ARHGAP5: variants seen among roughly 807,000 people sequenced by gnomAD.
ARHGAP5 encodes the protein Rho GTPase activating protein 5.
ARHGAP5 carries 23 observed loss-of-function variants against 116.6 expected under a neutral mutation model. The ratio of observed to expected loss-of-function variants is 0.20; its 90% CI spans 0.14 to 0.28. The LOEUF is 0.28. Among genes scored for constraint, ARHGAP5 ranks in the 10% least tolerant of loss-of-function variants. The pLI is 1.00. For synonymous variants in ARHGAP5, 574 were observed against 602.0 expected (o/e 0.95, Z 0.68); for missense variants, 1,405 against 1,774.8 (o/e 0.79, Z 3.74).
At chr14:32,095,498 C>T (rs1251378823) in intron 2 of ARHGAP5, among the ~76,000 whole-genome samples, 22 of 151,108 alleles carry the variant, frequency 1.5e-4, no homozygotes, top group African/African-American at 3.4e-4. Flanking sequence ...CCGCAGCCTC[C>T]GCCTCCCGGG....
chr14:32,077,860 A>G (rs927439821), intron 1 of ARHGAP5, among the ~76,000 whole-genome samples: 2 of 151,866 alleles, frequency 1.3e-5, no homozygotes, highest in African/African-American at 4.8e-5. Flanking sequence ...CCACCTGGAA[A>G]GGGTACACGG....
At chr14:32,133,926 A>G (rs1284818500) in intron 3 of ARHGAP5, among the ~76,000 whole-genome samples, 1 of 152,122 alleles carries the variant, frequency 6.6e-6, no homozygotes, top group Non-Finnish European at 1.5e-5. Context: ...CATCCCAGGG[A>G]TGTCCAATCA....
Position 32,127,164 on chromosome 14 carries a change from A to AT in ARHGAP5, c.3865+9890dup, listed in dbSNP as rs879757408. ...AGGTGCGTGCCACCACTCCTGGCTG[A>AT]TTTTTTTTTTTTTAATTTTTTTAGT... On this transcript the variant is annotated intron_variant, in intron 3 of 6. Transcript: ENST00000345122. Among the ~76,000 whole-genome samples, 525 of 143,448 alleles carry AT rather than the reference A, an allele frequency of 3.7e-3. 3 individuals carry two copies. Among genetic ancestry groups the AT allele is most frequent in the South Asian group, 0.014 (62 of 4,468 alleles). 94.1% of individuals were successfully genotyped at this position (143,448 alleles called of 152,430 possible). A position where few individuals can be genotyped will look rare whatever the true frequency, so the allele number is the denominator to read the frequency against.
chr14:32,086,141 C>T (rs2041827483), intron 1 of ARHGAP5, among the ~76,000 whole-genome samples: 1 of 152,024 alleles, frequency 6.6e-6, no homozygotes, highest in Non-Finnish European at 1.5e-5. Context: ...AAAGAGTTAG[C>T]AGTGGGGATC....
chr14:32,089,253 G>A (rs2041860836), intron 1 of ARHGAP5, among the ~76,000 whole-genome samples: 1 of 151,910 alleles, frequency 6.6e-6, no homozygotes, highest in African/African-American at 2.4e-5. Context: ...AATTGAAATA[G>A]ATGTTTACTT....
At position 32,154,611 on chromosome 14, in the gene ARHGAP5, A is replaced by T. The variant is rs150623895; in HGVS notation, c.4182-10A>T. The T allele has an allele frequency of 1.3e-6, 2 of 1,576,948 alleles. No homozygotes were observed. Among genetic ancestry groups the T allele is most frequent in the Admixed American group, 3.7e-5 (2 of 53,964 alleles). ...TGATTTCTAAATGTTTTTTCCTTTCATAATTTCAGGGTTAGTCAGCAACAT... is the reference window on the plus strand; with the variant it reads ...TGATTTCTAAATGTTTTTTCCTTTCTTAATTTCAGGGTTAGTCAGCAACAT... On this transcript the variant is annotated splice_polypyrimidine_tract_variant and intron_variant, in intron 6 of 6. Coordinates refer to ENST00000345122, the MANE Select transcript of ARHGAP5 (RefSeq NM_001030055.2).
At position 32,082,687 on chromosome 14, in the gene ARHGAP5, A is replaced by C. The variant is rs1229320242; in HGVS notation, c.-169+5252A>C. Among the ~76,000 whole-genome samples, 5 of 152,162 alleles carry C rather than the reference A, an allele frequency of 3.3e-5. No individual in the cohort carries two copies. In the East Asian group the frequency reaches 5.8e-4, roughly 18 times the overall value. Reference sequence around the variant, plus strand: ...CCTGAGTAGCTGGGATTACAGGCACACGCCATCACGCCTGGCTAATTTTTG... The same window carrying C: ...CCTGAGTAGCTGGGATTACAGGCACCCGCCATCACGCCTGGCTAATTTTTG... On this transcript the variant is annotated intron_variant, in intron 1 of 6. Transcript: ENST00000345122.
At position 32,090,515 on chromosome 14, in the gene ARHGAP5, A is replaced by G. The variant is rs1466638993; in HGVS notation, c.-155A>G. 6 of 633,638 alleles carry G rather than the reference A, an allele frequency of 9.5e-6. No individual in the cohort carries two copies. Among genetic ancestry groups the G allele is most frequent in the Middle Eastern group, 2.7e-4 (1 of 3,640 alleles). 39.3% of individuals were successfully genotyped at this position (633,638 alleles called of 1,614,324 possible). On this transcript the variant is annotated 5_prime_UTR_variant, in exon 2 of 7. The change abolishes an upstream ATG in the 5' untranslated region. Coordinates refer to ENST00000345122, the MANE Select transcript of ARHGAP5 (RefSeq NM_001030055.2). ...CCCTCTCTATAGGAAGATGATCCCT[A>G]TGATCTTGAAGATGTTTCTGCACAG... is the stretch of plus-strand genomic sequence containing the variant.
rs192574653 is a variant in ARHGAP5, at chr14:32,088,749, A to G, written c.-168-1753A>G. On this transcript the variant is annotated intron_variant, in intron 1 of 6. Coordinates refer to ENST00000345122, the MANE Select transcript of ARHGAP5 (RefSeq NM_001030055.2). ...ATTTGTAAGTCACAAGCCTCATCAC[A>G]TTATTTTTCATAAATCTTAAGCAGC... Among the ~76,000 whole-genome samples the G allele has an allele frequency of 4.5e-4, 69 of 152,122 alleles. 1 individual carries two copies. Among genetic ancestry groups the G allele is most frequent in the Non-Finnish European group, 7.4e-4 (50 of 67,844 alleles).
intron 3 of ARHGAP5, among the ~76,000 whole-genome samples, chr14:32,122,490 T>G (rs1879937057): frequency 6.6e-6 from 1 of 152,216 alleles, no homozygotes; most frequent in African/African-American, 2.4e-5. Context: ...AGATATGCTT[T>G]GAAGGATAAA....
intron 1 of ARHGAP5, among the ~76,000 whole-genome samples, chr14:32,088,945 T>C (rs1326398776): frequency 6.6e-6 from 1 of 151,976 alleles, no homozygotes; most frequent in Admixed American, 6.6e-5. Flanking sequence ...TAGTAAATGA[T>C]AGGAGTCGGA....
At chr14:32,086,574 T>C (rs1566657472) in intron 1 of ARHGAP5, among the ~76,000 whole-genome samples, 1 of 150,854 alleles carries the variant, frequency 6.6e-6, no homozygotes, top group African/African-American at 2.5e-5. Flanking sequence ...CCTGACATGG[T>C]ATAATTTAAA....
At chr14:32,136,355 T>G (rs1190816116) in intron 3 of ARHGAP5, among the ~76,000 whole-genome samples, 1 of 152,232 alleles carries the variant, frequency 6.6e-6, no homozygotes, top group Non-Finnish European at 1.5e-5. Context: ...GAATTTCATG[T>G]TCTGAAATCA....
chr14:32,136,341 C>T (rs1189823056), intron 3 of ARHGAP5, among the ~76,000 whole-genome samples: 2 of 152,192 alleles, frequency 1.3e-5, no homozygotes, highest in Non-Finnish European at 2.9e-5. Flanking sequence ...GTTGCCCATT[C>T]TGGGAATTTC....
chr14:32,098,896 G>A (rs113130625), intron 2 of ARHGAP5, among the ~76,000 whole-genome samples: 181 of 152,272 alleles, frequency 1.2e-3, no homozygotes, highest in Non-Finnish European at 2.3e-3. Context: ...AACATAGAGA[G>A]TGAATAGATT....
Position 32,085,572 on chromosome 14 carries a change from T to G in ARHGAP5, c.-168-4930T>G, listed in dbSNP as rs150658761. Among the ~76,000 whole-genome samples, 7 of 152,352 alleles carry G rather than the reference T, an allele frequency of 4.6e-5. No individual in the cohort carries two copies. In the East Asian group the frequency reaches 1.3e-3, roughly 29 times the overall value. On this transcript the variant is annotated intron_variant, in intron 1 of 6. Coordinates refer to ENST00000345122, the MANE Select transcript of ARHGAP5 (RefSeq NM_001030055.2). ...TTTTAGTGTGCAGTTGTTTTTTTAT[T>G]CTTCAGCTGCTTGCAAAAAGTTTGC...
intron 2 of ARHGAP5, among the ~76,000 whole-genome samples, chr14:32,102,686 T>C (rs1330255309): frequency 6.6e-6 from 1 of 152,236 alleles, no homozygotes; most frequent in Non-Finnish European, 1.5e-5. Context: ...TGTATCTTGT[T>C]TATAGTTGAT....
chr14:32,126,605 A>G (rs149333915), intron 3 of ARHGAP5, among the ~76,000 whole-genome samples: 7 of 152,308 alleles, frequency 4.6e-5, no homozygotes, highest in African/African-American at 1.7e-4. Context: ...ACTTCAACAT[A>G]TCTTTTTAGG....
At position 32,146,264 on chromosome 14, in the gene ARHGAP5, G is replaced by A. The variant is rs759008668; in HGVS notation, c.3867G>A (p.Gly1289=). The stretch of plus-strand genomic sequence containing the variant: ...ATGCATATTTCTTTATTCTCTTAGG[G>A]TTATGTACCGAAGGACTCTACCGTG... ...EKCVEFIEDT[G]LCTEGLYRVS... Residue 1289 remains glycine, a splice_region_variant and synonymous_variant, in exon 4 of 7, where the codon GGG becomes GGA. Transcript: ENST00000345122. 3.1e-6 allele frequency: 5 copies of A among 1,607,176 alleles called. No homozygotes were observed. In the South Asian group the frequency reaches 3.3e-5, roughly 11 times the overall value.
Sources: allele counts gnomAD v4.1 joint callset (sites outside exome capture counted in the v4.1 genomes callset), GRCh38; gene constraint gnomAD v4.1.1; transcripts MANE v1.5; gene names NCBI Gene and HGNC (gene_info 2026-07-23, HGNC 2026-07-21).